The following MACROD2 variants were observed in gnomAD, a reference collection of about 807,000 sequenced individuals.
The protein encoded by MACROD2 is ADP-ribose glycohydrolase MACROD2.
Under a neutral mutation model 70.4 loss-of-function variants are expected in MACROD2, and 36 were observed. The ratio of observed to expected loss-of-function variants is 0.51; its 90% CI spans 0.39 to 0.68. MACROD2 has a LOEUF of 0.68. MACROD2 is among the 30% of genes least tolerant of loss of function. The pLI, the probability that MACROD2 is intolerant of heterozygous loss-of-function variation, is 0.00. For missense variants in MACROD2, 496 were observed against 538.4 expected, an observed-to-expected ratio of 0.92 and a Z score of 0.78; for synonymous variants, 172 against 178.8, an observed-to-expected ratio of 0.96 and a Z score of 0.30.
intron 9 of MACROD2, among the ~76,000 whole-genome samples, chr20:15,874,729 T>C (rs1261440110): frequency 6.6e-6 from 1 of 152,122 alleles, no homozygotes; most frequent in Non-Finnish European, 1.5e-5. Context: ...GCTTCCTGAT[T>C]TACCAAATGT....
intron 3 of MACROD2, among the ~76,000 whole-genome samples, chr20:14,194,677 A>G (rs2081415769): frequency 6.6e-6 from 1 of 152,172 alleles, no homozygotes; most frequent in African/African-American, 2.4e-5. Context: ...GAAGTGGGAA[A>G]CCAGAGGAGG....
At chr20:14,608,427 A>C (rs1982951516) in intron 4 of MACROD2, among the ~76,000 whole-genome samples, 1 of 152,174 alleles carries the variant, frequency 6.6e-6, no homozygotes, top group African/African-American at 2.4e-5. Context: ...AGAAAAAGGC[A>C]TTTCTCATTC....
intron 15 of MACROD2, among the ~76,000 whole-genome samples, chr20:16,037,947 G>C (rs73237800): frequency 0.016 from 2,459 of 151,932 alleles, 60 homozygotes; most frequent in African/African-American, 0.056. Context: ...CTTTTTGAGG[G>C]TAGGGGAAAC....
rs1242220637 is a variant in MACROD2 at position 15,440,445 on chromosome 20, C to T, written c.571+9010C>T. 2.6e-5 allele frequency among the ~76,000 whole-genome samples: 4 copies of T among 152,156 alleles called. No homozygotes were observed. In the East Asian group the frequency reaches 7.7e-4, roughly 29 times the overall value. ...TCCACCACATGCTGGCAGGCTGCAA[C>T]TTTCTAATTGAATCCCTCATTTGCA... On this transcript the variant is annotated intron_variant, in intron 7 of 17. Transcript: ENST00000684519.
chr20:14,491,840 C>T (rs1375361224), intron 3 of MACROD2, among the ~76,000 whole-genome samples: 1 of 152,104 alleles, frequency 6.6e-6, no homozygotes, highest in Non-Finnish European at 1.5e-5. Flanking sequence ...TGGAGGACAA[C>T]AGATGGAGTC....
At chr20:15,481,548 A>G (rs535677991) in intron 7 of MACROD2, among the ~76,000 whole-genome samples, 1 of 152,354 alleles carries the variant, frequency 6.6e-6, no homozygotes, top group South Asian at 2.1e-4. Flanking sequence ...TCAAATATGA[A>G]TGGTACTGCT....
chr20:14,786,998 G>C (rs529389307), intron 5 of MACROD2, among the ~76,000 whole-genome samples: 22 of 152,168 alleles, frequency 1.4e-4, no homozygotes, highest in African/African-American at 5.3e-4. Flanking sequence ...AGGAGGTCAA[G>C]GTTGCAGGCT....
chr20:14,685,167 A>T (rs1268380987), intron 5 of MACROD2: 3 of 197,706 alleles, frequency 1.5e-5, no homozygotes, highest in Non-Finnish European at 3.0e-5. Flanking sequence ...TGTGTATATT[A>T]TATATATATA....
At chr20:15,832,846 C>T (rs2327968) in intron 8 of MACROD2, among the ~76,000 whole-genome samples, 5,879 of 152,248 alleles carry the variant, frequency 0.039, 244 homozygotes, top group East Asian at 0.21. Flanking sequence ...ATAACCTTTC[C>T]GTAACATGGA....
At position 15,192,333 on chromosome 20, in the gene MACROD2, A is replaced by T. The variant is rs1048469509; in HGVS notation, c.419-37607A>T. On this transcript the variant is annotated intron_variant, in intron 5 of 17. Coordinates refer to ENST00000684519, the MANE Select transcript of MACROD2 (RefSeq NM_001351661.2). Reference sequence around the variant, plus strand: ...CTCTCTGTCAATTACATTTTAATTCACAACCTTTTCATAATTTTCACAAGA... The same window carrying T: ...CTCTCTGTCAATTACATTTTAATTCTCAACCTTTTCATAATTTTCACAAGA... 5.3e-5 allele frequency among the ~76,000 whole-genome samples: 8 copies of T among 152,220 alleles called. No individual in the cohort carries two copies. The East Asian group carries it at 1.3e-3, about 26-fold the overall frequency.
intron 15 of MACROD2, among the ~76,000 whole-genome samples, chr20:15,998,466 A>G (rs1292733611): frequency 6.6e-6 from 1 of 151,976 alleles, no homozygotes. Context: ...TTGTTGGCAT[A>G]TAATTGTTCA....
intron 7 of MACROD2, among the ~76,000 whole-genome samples, chr20:15,456,012 C>T (rs1346236173): frequency 6.6e-6 from 1 of 152,126 alleles, no homozygotes; most frequent in Admixed American, 6.6e-5. Context: ...AAGTTTCTTG[C>T]AGCAGGATGT....
intron 3 of MACROD2, among the ~76,000 whole-genome samples, chr20:14,132,437 T>C (rs1455109674): frequency 6.6e-6 from 1 of 152,210 alleles, no homozygotes; most frequent in African/African-American, 2.4e-5. Flanking sequence ...TTTATAGTTC[T>C]TTCTTTAGAT....
chr20:15,543,329 G>C (rs1453356948), intron 8 of MACROD2, among the ~76,000 whole-genome samples: 1 of 152,100 alleles, frequency 6.6e-6, no homozygotes, highest in African/African-American at 2.4e-5. Context: ...AGATTATAGT[G>C]AATATTAAGG....
intron 5 of MACROD2, among the ~76,000 whole-genome samples, chr20:14,689,253 AT>A (rs2071035825): frequency 6.6e-6 from 1 of 152,226 alleles, no homozygotes; most frequent in South Asian, 2.1e-4. Context: ...CAGTTTTTAA[AT>A]TTGTAATTGC....
chr20:14,806,906 G>A (rs559691335), intron 5 of MACROD2, among the ~76,000 whole-genome samples: 3 of 152,222 alleles, frequency 2.0e-5, no homozygotes, highest in Non-Finnish European at 4.4e-5. Context: ...TCCTCTCTGG[G>A]CAGGGCATCT....
At chr20:16,043,361 T>A (rs1388813646) in intron 16 of MACROD2, among the ~76,000 whole-genome samples, 1 of 152,072 alleles carries the variant, frequency 6.6e-6, no homozygotes, top group Admixed American at 6.6e-5. Flanking sequence ...CTGCAGAGAC[T>A]GTGTTTTGGT....
In MACROD2 at chr20:14,854,087, C is replaced by G. The variant is rs547193850; in HGVS notation, c.418+169128C>G. 2.0e-5 allele frequency among the ~76,000 whole-genome samples: 3 copies of G among 152,090 alleles called. 1 individual carries two copies. The South Asian group carries it at 6.2e-4, about 32-fold the overall frequency. On this transcript the variant is annotated intron_variant, in intron 5 of 17. Transcript: ENST00000684519. Reference sequence around the variant, plus strand: ...TTTAGTTTTAACCTGCTCCATGACCCCAGGACACTTTCTACCTCATCATTA... The same window carrying G: ...TTTAGTTTTAACCTGCTCCATGACCGCAGGACACTTTCTACCTCATCATTA...
intron 5 of MACROD2, among the ~76,000 whole-genome samples, chr20:15,143,704 A>G (rs1016535407): frequency 6.6e-6 from 1 of 151,850 alleles, no homozygotes; most frequent in Non-Finnish European, 1.5e-5. Context: ...TTAATGGTGC[A>G]CTTCCCCCAA....
Sources: gnomAD v4.1 joint callset for allele counts (sites outside exome capture counted in the v4.1 genomes callset) on GRCh38, gnomAD v4.1.1 for gene constraint, MANE v1.5 for transcripts, NCBI Gene and HGNC (gene_info 2026-07-23, HGNC 2026-07-21) for gene names.